OVCH1: variants seen among roughly 807,000 people sequenced by gnomAD.
The protein encoded by OVCH1 is ovochymase 1.
Under a neutral mutation model 138.4 loss-of-function variants are expected in OVCH1, and 139 were observed. The observed-to-expected ratio is 1.00, with a 90% CI of 0.87 to 1.16. The LOEUF (loss-of-function observed/expected upper bound fraction) is 1.16, where lower values mean the gene tolerates loss of function less well. Ranked by LOEUF, OVCH1 falls within the 50% of genes most tolerant of loss-of-function variation. OVCH1 has a pLI of 0.00. For synonymous variants in OVCH1, 453 were observed against 467.8 expected (o/e 0.97, Z 0.41); for missense variants, 1,367 against 1,357.9 (o/e 1.01, Z -0.11).
chr12:29,461,903 T>C lies in OVCH1; in HGVS notation c.2231A>G (p.Lys744Arg), dbSNP rs571998474. 54 of 1,613,892 alleles carry C rather than the reference T, an allele frequency of 3.3e-5. No individual in the cohort carries two copies. The South Asian group carries it at 5.5e-4, about 16-fold the overall frequency. The change falls in exon 19 of 28, where the codon AAG (lysine) becomes AGG (arginine). Residue 744 changes from lysine (K) to arginine (R), a missense_variant. By Grantham distance (26) the Lys-to-Arg change is conservative (BLOSUM62 2). Coordinates refer to ENST00000318184, the Ensembl canonical transcript of OVCH1. ...TGCTGCAAAGCCAGCACAGATCATC[T>C]TCTCTGTGATCCCTCCTGGATGGGC...
At chr12:29,477,666 C>A in intron 9 of OVCH1, 188 bp from the exon 11 acceptor site, 1 of 1,474,652 alleles carries the variant, frequency 6.8e-7, no homozygotes, top group Non-Finnish European at 9.3e-7. Context: ...CTTCTCAACC[C>A]CCCAGTCTCA....
chr12:29,477,097 C>G lies in OVCH1; in HGVS notation c.1377+5G>C, dbSNP rs758812613. 1.3e-6 allele frequency: 2 copies of G among 1,597,078 alleles called. No individual in the cohort carries two copies. Among genetic ancestry groups the G allele is most frequent in the Admixed American group, 1.7e-5 (1 of 57,458 alleles). On this transcript the variant is annotated splice_donor_5th_base_variant and intron_variant, in intron 12 of 27. Coordinates refer to ENST00000318184, the Ensembl canonical transcript of OVCH1. The stretch of plus-strand genomic sequence containing the variant: ...ATGAGGTAGAGCGATTCCTCAGTTG[C>G]CTACCTTTATAATGTGCTTCTCTGG...
chr12:29,455,462 TCA>T, intron 19 of OVCH1, 57 bp from the exon 20 acceptor site: 5 of 1,521,884 alleles, frequency 3.3e-6, no homozygotes, highest in Non-Finnish European at 4.4e-6. Context: ...GCTCCTGCTT[TCA>T]GTTTTTAGAA....
At chr12:29,483,961 A>G (rs79644988) in intron 8 of OVCH1, among the ~76,000 whole-genome samples, 8,031 of 152,268 alleles carry the variant, frequency 0.053, 473 homozygotes, top group African/African-American at 0.14. Flanking sequence ...CTTGGATGGT[A>G]TGGATTATAA....
At chr12:29,477,018 A>G (rs1000213260) in intron 12 of OVCH1, 84 bp downstream of exon 12, 1 of 1,389,468 alleles carries the variant, frequency 7.2e-7, no homozygotes, top group Non-Finnish European at 9.5e-7. Context: ...CATAATGGCA[A>G]TTTAACAATC....
intron 3 of OVCH1, among the ~76,000 whole-genome samples, chr12:29,417,506 G>T (rs1370802873): frequency 6.6e-6 from 1 of 150,874 alleles, no homozygotes; most frequent in Non-Finnish European, 1.5e-5. Flanking sequence ...GAATCCTTGG[G>T]GTGATTGATA....
chr12:29,407,523 A>T (rs1029957851), downstream of OVCH1, among the ~76,000 whole-genome samples: 1 of 149,750 alleles, frequency 6.7e-6, no homozygotes, highest in African/African-American at 2.4e-5. Flanking sequence ...CTTTCTCCAT[A>T]TGGCTAGCCA....
chr12:29,495,399 T>C, exon 4 of OVCH1: 1 of 1,613,522 alleles, frequency 6.2e-7, no homozygotes, highest in South Asian at 1.1e-5. Flanking sequence ...TGTTCTTGCT[T>C]ATCCTTCTGA....
intron 17 of OVCH1, 142 bp from the exon 18 acceptor site, chr12:29,464,844 G>A: frequency 1.3e-6 from 1 of 769,468 alleles, no homozygotes; most frequent in Non-Finnish European, 2.1e-6. Flanking sequence ...AAATTTAAAA[G>A]AGCAATATTG....
intron 22 of OVCH1, among the ~76,000 whole-genome samples, chr12:29,447,735 TAGAG>T (rs761577737): frequency 6.6e-6 from 1 of 151,808 alleles, no homozygotes; most frequent in East Asian, 1.9e-4. Flanking sequence ...GATGGTTTCA[TAGAG>T]AGATCAAAGC....
At chr12:29,461,739 T>G in intron 19 of OVCH1, 115 bp downstream of exon 19, 75 of 1,275,106 alleles carry the variant, frequency 5.9e-5, no homozygotes, top group East Asian at 1.4e-4. Flanking sequence ...TGCAGGGATA[T>G]GATATTGAAG....
At chr12:29,439,470 A>ACAAAAAACAAAAAG in intron 25 of OVCH1, 3 of 1,469,560 alleles carry the variant, frequency 2.0e-6, no homozygotes, top group Non-Finnish European at 1.8e-6. Context: ...AAACAAACAA[A>ACAAAAAACAAAAAG]CAAAAAACAA....
chr12:29,460,622 C>T (rs1465705511), intron 19 of OVCH1, among the ~76,000 whole-genome samples: 1 of 152,052 alleles, frequency 6.6e-6, no homozygotes, highest in Non-Finnish European at 1.5e-5. Flanking sequence ...ATAAATATCC[C>T]AGCTCCCTCG....
At chr12:29,413,400 C>G (rs1301226737) in intron 3 of OVCH1, among the ~76,000 whole-genome samples, 1 of 152,132 alleles carries the variant, frequency 6.6e-6, no homozygotes, top group Non-Finnish European at 1.5e-5. Context: ...CTTGTTGAAT[C>G]TGAAATGACA....
chr12:29,477,598 T>G (rs1942786494), intron 9 of OVCH1, 120 bp from the exon 11 acceptor site: 2 of 1,612,106 alleles, frequency 1.2e-6, no homozygotes, highest in South Asian at 2.2e-5. Flanking sequence ...CTAAACTATT[T>G]AATGGTCCTT....
At chr12:29,417,799 G>A (rs1941052703) in intron 3 of OVCH1, among the ~76,000 whole-genome samples, 1 of 146,476 alleles carries the variant, frequency 6.8e-6, no homozygotes, top group African/African-American at 2.6e-5. Flanking sequence ...GTGTGTCTGT[G>A]TCTGTGTGTG....
At chr12:29,493,401 A>G (rs1943324959) in intron 4 of OVCH1, among the ~76,000 whole-genome samples, 1 of 151,998 alleles carries the variant, frequency 6.6e-6, no homozygotes, top group African/African-American at 2.4e-5. Context: ...TCATAGTTGG[A>G]GTTACTAAGC....
chr12:29,474,470 A>G (rs969892484), intron 14 of OVCH1, among the ~76,000 whole-genome samples: 19 of 152,334 alleles, frequency 1.2e-4, no homozygotes, highest in African/African-American at 4.6e-4. Flanking sequence ...TACCTGCTAC[A>G]GGGCAAGTAA....
Position 29,435,457 on chromosome 12 carries a change from T to C in OVCH1, c.3265-1644A>G, listed in dbSNP as rs577983583. ...TCTCGGCTCACCACAAGCTCCTCCT[T>C]CTGGGTTCACGCCATTCTCCTGCCT... is the stretch of plus-strand genomic sequence containing the variant. On this transcript the variant is annotated intron_variant, in intron 26 of 27. Coordinates refer to ENST00000318184, the Ensembl canonical transcript of OVCH1. Among the ~76,000 whole-genome samples, 449 of 152,168 alleles carry C rather than the reference T, an allele frequency of 3.0e-3. 3 individuals are homozygous for C. Among genetic ancestry groups the C allele is most frequent in the African/African-American group, 0.01 (417 of 41,542 alleles).
Sources: gnomAD v4.1 joint callset for allele counts (sites outside exome capture counted in the v4.1 genomes callset) on GRCh38, gnomAD v4.1.1 for gene constraint, MANE v1.5 for transcripts, NCBI Gene and HGNC (gene_info 2026-07-23, HGNC 2026-07-21) for gene names.